TNIP1: variants seen among roughly 807,000 people sequenced by gnomAD.
TNIP1 encodes TNFAIP3-interacting protein 1.
Under a neutral mutation model 86.6 loss-of-function variants are expected in TNIP1, and 22 were observed. That is an observed-to-expected ratio of 0.25 (90% CI 0.18 to 0.36). The LOEUF (loss-of-function observed/expected upper bound fraction) is 0.36, where lower values mean the gene tolerates loss of function less well. Among genes scored for constraint, TNIP1 ranks in the 10% least tolerant of loss-of-function variants. TNIP1 has a pLI of 1.00. For synonymous variants in TNIP1, 294 were observed against 313.0 expected (o/e 0.94, Z 0.64); for missense variants, 709 against 820.6 (o/e 0.86, Z 1.66).
chr5:151,084,886 G>T, upstream of TNIP1, among the ~76,000 whole-genome samples: 1 of 152,210 alleles, frequency 6.6e-6, no homozygotes, highest in African/African-American at 2.4e-5. Flanking sequence ...ATAGTTAAAT[G>T]AGAATGCATA....
Position 151,062,188 on chromosome 5 carries a change from G to C in TNIP1, c.296C>G (p.Ser99Cys), listed in dbSNP as rs762054847. 1.9e-6 allele frequency: 3 copies of C among 1,614,170 alleles called. No individual in the cohort carries two copies. Among genetic ancestry groups the C allele is most frequent in the Non-Finnish European group, 2.5e-6 (3 of 1,180,022 alleles). ...ACTGGGGCATGCAGGGGCTGTGGGAGATGCTGTGACATTTGAGTCCTTTCC... is the reference window on the plus strand; with the variant it reads ...ACTGGGGCATGCAGGGGCTGTGGGACATGCTGTGACATTTGAGTCCTTTCC... ...LTGKDSNVTA[S>C]PTAPACPSDK... The change falls in exon 4 of 18, where the codon TCT (serine) becomes TGT (cysteine). Residue 99 changes from serine to cysteine, a missense_variant. Coordinates refer to ENST00000521591, the MANE Select transcript of TNIP1 (RefSeq NM_006058.5).
At chr5:151,035,472 A>C in intron 14 of TNIP1, 110 bp downstream of exon 14, 1 of 1,502,982 alleles carries the variant, frequency 6.7e-7, no homozygotes, top group Non-Finnish European at 9.1e-7. Flanking sequence ...GCAGAGCTGG[A>C]GAGAAGCAGT....
chr5:151,033,480 C>T, intron 16 of TNIP1, 128 bp downstream of exon 16: 2 of 611,484 alleles, frequency 3.3e-6, no homozygotes, highest in Middle Eastern at 3.1e-4. Flanking sequence ...GGACACCCAC[C>T]TGCCACCACG....
Position 151,039,085 on chromosome 5 carries a change from C to G in TNIP1, c.1263+12G>C. 6.2e-7 allele frequency: 1 copy of G among 1,610,606 alleles called. No homozygotes were observed. Among genetic ancestry groups the G allele is most frequent in the Non-Finnish European group, 8.5e-7 (1 of 1,178,360 alleles). ...GGGAGCCCAGCCAAGGGACCCGGGC[C>G]AAGGCACCCACCTTGTTGAGCCGCT... On this transcript the variant is annotated intron_variant, in intron 12 of 17. Transcript: ENST00000521591.
chr5:151,063,634 C>A lies in TNIP1; in HGVS notation c.250G>T (p.Asp84Tyr). The change falls in exon 3 of 18, where the codon GAC (aspartate) becomes TAC (tyrosine). Residue 84 changes from aspartate to tyrosine, a missense_variant. Coordinates refer to ENST00000521591, the MANE Select transcript of TNIP1 (RefSeq NM_006058.5). ...PPPSPSLGSF[D>Y]PLAELTGKDS... ...ATACCTGTGAGCTCAGCCAGGGGGTCGAAGGAGCCCAAGGAGGGAGAAGGT... is the reference window on the plus strand; with the variant it reads ...ATACCTGTGAGCTCAGCCAGGGGGTAGAAGGAGCCCAAGGAGGGAGAAGGT... The A allele has an allele frequency of 1.2e-6, 2 of 1,613,998 alleles. No individual in the cohort carries two copies. Among genetic ancestry groups the A allele is most frequent in the Non-Finnish European group, 1.7e-6 (2 of 1,179,970 alleles).
chr5:151,087,070 C>T (rs976557983), intron 1 of TNIP1: 17 of 152,928 alleles, frequency 1.1e-4, no homozygotes, highest in African/African-American at 4.1e-4. Context: ...CACCGGCCCC[C>T]ATCTAGTCAC....
intron 1 of TNIP1, among the ~76,000 whole-genome samples, chr5:151,067,433 G>T (rs185692441): frequency 1.2e-4 from 18 of 152,326 alleles, no homozygotes; most frequent in Admixed American, 1.0e-3. Context: ...TTCCTGTCGG[G>T]AGCACAGGAG....
chr5:151,050,969 G>A (rs1241962463), intron 7 of TNIP1, among the ~76,000 whole-genome samples: 3 of 152,232 alleles, frequency 2.0e-5, no homozygotes, highest in Non-Finnish European at 2.9e-5. Flanking sequence ...GAGCCACAAC[G>A]CCCAACCACC....
At chr5:151,065,357 T>C (rs1433855751) in intron 1 of TNIP1, among the ~76,000 whole-genome samples, 1 of 152,228 alleles carries the variant, frequency 6.6e-6, no homozygotes, top group Non-Finnish European at 1.5e-5. Context: ...CAATGCACTG[T>C]TGGCTTGTTT....
At chr5:151,045,815 G>C (rs777870106) in intron 9 of TNIP1, 46 bp downstream of exon 9, 1 of 1,591,042 alleles carries the variant, frequency 6.3e-7, no homozygotes, top group African/African-American at 1.3e-5. Flanking sequence ...TGCTGGTCCC[G>C]GGAGGTAAGA....
intron 4 of TNIP1, 150 bp downstream of exon 4, chr5:151,061,977 G>T: frequency 1.5e-6 from 1 of 684,678 alleles, no homozygotes; most frequent in Non-Finnish European, 2.5e-6. Flanking sequence ...TGAGGCCCCA[G>T]AGAGTTTGCG....
chr5:151,056,652 C>T, intron 6 of TNIP1, 114 bp downstream of exon 6: 1 of 1,075,360 alleles, frequency 9.3e-7, no homozygotes, highest in Non-Finnish European at 1.2e-6. Context: ...CTGCCCACAA[C>T]ACAGCCTTCA....
intron 1 of TNIP1, among the ~76,000 whole-genome samples, chr5:151,079,008 G>A (rs1763702299): frequency 6.6e-6 from 1 of 152,184 alleles, no homozygotes; most frequent in Admixed American, 6.5e-5. Flanking sequence ...AAAAACTGGT[G>A]GGGGTATCCA....
chr5:151,074,549 T>C (rs545029286), intron 1 of TNIP1, among the ~76,000 whole-genome samples: 2 of 152,336 alleles, frequency 1.3e-5, no homozygotes, highest in South Asian at 4.1e-4. Context: ...TAGAGTTCTC[T>C]GTAAACCTTA....
chr5:151,062,545 A>G (rs1046764208), intron 3 of TNIP1, among the ~76,000 whole-genome samples: 2 of 152,196 alleles, frequency 1.3e-5, no homozygotes, highest in Admixed American at 6.5e-5. Context: ...TATCCCAGCC[A>G]TTCTCATAAA....
intron 1 of TNIP1, among the ~76,000 whole-genome samples, chr5:151,086,086 G>A (rs1178384446): frequency 6.6e-6 from 1 of 152,120 alleles, no homozygotes; most frequent in Non-Finnish European, 1.5e-5. Flanking sequence ...AGGGCCGTTT[G>A]GATGAACTGG....
At chr5:151,080,670 G>A (rs1561549733) in intron 1 of TNIP1, among the ~76,000 whole-genome samples, 1 of 152,148 alleles carries the variant, frequency 6.6e-6, no homozygotes, top group African/African-American at 2.4e-5. Flanking sequence ...CAGTGCGCAC[G>A]CGCGCCCCCC....
In TNIP1 at chr5:151,074,537, CAT is replaced by C. The variant is rs150689509; in HGVS notation, c.-37+6341_-37+6342del. Among the ~76,000 whole-genome samples, 1,309 of 152,256 alleles carry C rather than the reference CAT, an allele frequency of 8.6e-3. 17 individuals carry two copies. Among genetic ancestry groups the C allele is most frequent in the African/African-American group, 0.03 (1,261 of 41,562 alleles). ...AATGTTATGAGGACCAAGTAGGAACCATAGAGTTCTCTGTAAACCTTAAAATG... is the reference window on the plus strand; with the variant it reads ...AATGTTATGAGGACCAAGTAGGAACCAGAGTTCTCTGTAAACCTTAAAATG... On this transcript the variant is annotated intron_variant, in intron 1 of 17. Coordinates refer to ENST00000521591, the MANE Select transcript of TNIP1 (RefSeq NM_006058.5).
At chr5:151,084,899 A>T (rs992117089), upstream of TNIP1, among the ~76,000 whole-genome samples, 6 of 152,238 alleles carry the variant, frequency 3.9e-5, no homozygotes, top group African/African-American at 1.4e-4. Context: ...AATGCATATC[A>T]AGCACATGAT....
Sources: allele counts gnomAD v4.1 joint callset (sites outside exome capture counted in the v4.1 genomes callset), GRCh38; gene constraint gnomAD v4.1.1; transcripts MANE v1.5; gene names NCBI Gene and HGNC (gene_info 2026-07-23, HGNC 2026-07-21).